The following VWA8 variants were observed in gnomAD, a reference collection of about 807,000 sequenced individuals.
The protein encoded by VWA8 is von Willebrand factor A domain containing 8.
In VWA8, 221 loss-of-function variants were observed where a neutral mutation model predicts 241.5. The ratio of observed to expected loss-of-function variants is 0.91; its 90% CI spans 0.82 to 1.02. The LOEUF (loss-of-function observed/expected upper bound fraction) is 1.02, where lower values mean the gene tolerates loss of function less well. VWA8 is among the 50% of genes least tolerant of loss of function. The probability of loss-of-function intolerance (pLI) is 0.00; values close to 1 mark genes in which losing one functional copy is unlikely to be tolerated. For missense variants in VWA8, 2,322 were observed against 2,328.7 expected, an observed-to-expected ratio of 1.00 and a Z score of 0.06; for synonymous variants, 852 against 827.1, an observed-to-expected ratio of 1.03 and a Z score of -0.52.
rs576239780 is a variant in VWA8, at chr13:41,747,085, T to G, written c.2426+14043A>C. Among the ~76,000 whole-genome samples, 4 of 152,320 alleles carry G rather than the reference T, an allele frequency of 2.6e-5. No individual in the cohort carries two copies. In the South Asian group the frequency reaches 8.3e-4, roughly 32 times the overall value. ...AGGATTGACTTGGCAATGCGGGCTC[T>G]TTTTTGGTTCCATATGAACTTTAAA... On this transcript the variant is annotated intron_variant, in intron 21 of 44. Transcript: ENST00000379310.
intron 9 of VWA8, among the ~76,000 whole-genome samples, chr13:41,868,995 G>T (rs142390809): frequency 2.1e-5 from 3 of 145,268 alleles, no homozygotes; most frequent in African/African-American, 7.7e-5. Flanking sequence ...AATTATTAAA[G>T]ATCATATTAA....
chr13:41,937,985 AC>A (rs1289671384), intron 2 of VWA8, among the ~76,000 whole-genome samples: 1 of 151,886 alleles, frequency 6.6e-6, no homozygotes, highest in Non-Finnish European at 1.5e-5. Flanking sequence ...ACACGGTGAA[AC>A]CCTGACTATA....
intron 9 of VWA8, among the ~76,000 whole-genome samples, chr13:41,881,703 G>A: frequency 6.8e-6 from 1 of 147,616 alleles, no homozygotes; most frequent in Non-Finnish European, 1.5e-5. Context: ...TCACCTCCCG[G>A]ACGGGGCGGC....
chr13:41,864,156 A>G (rs73185321), intron 12 of VWA8, among the ~76,000 whole-genome samples: 39,073 of 151,444 alleles, frequency 0.26, 5,556 homozygotes, highest in Non-Finnish European at 0.31. Flanking sequence ...AAAAAAAAAA[A>G]AAAGAAAGAA....
At chr13:41,599,309 C>T (rs989651457) in intron 40 of VWA8, among the ~76,000 whole-genome samples, 8 of 152,056 alleles carry the variant, frequency 5.3e-5, no homozygotes, top group Non-Finnish European at 8.8e-5. Flanking sequence ...TTATTGCATT[C>T]AATTCCCTTA....
At chr13:41,823,959 A>G (rs1347131201) in intron 14 of VWA8, among the ~76,000 whole-genome samples, 1 of 152,226 alleles carries the variant, frequency 6.6e-6, no homozygotes. Flanking sequence ...CTTTGTCATT[A>G]AAAGGCATCA....
At chr13:41,657,478 T>C (rs976126909) in intron 37 of VWA8, among the ~76,000 whole-genome samples, 1 of 151,544 alleles carries the variant, frequency 6.6e-6, no homozygotes, top group African/African-American at 2.4e-5. Flanking sequence ...AGAGAAAAGT[T>C]ATTCTTTTTT....
At chr13:41,580,126 A>T (rs1056208908) in intron 42 of VWA8, among the ~76,000 whole-genome samples, 1 of 152,084 alleles carries the variant, frequency 6.6e-6, no homozygotes, top group African/African-American at 2.4e-5. Flanking sequence ...AAGTGCTGGA[A>T]TTATAGGCAT....
chr13:41,830,719 A>G (rs1871413082), intron 13 of VWA8, 77 bp from the exon 14 acceptor site: 2 of 1,254,844 alleles, frequency 1.6e-6, no homozygotes, highest in East Asian at 4.8e-5. Context: ...AGAATCAGTC[A>G]GCCAACAGTC....
At position 41,611,718 on chromosome 13, in the gene VWA8, C is replaced by T. The variant is rs1174131708; in HGVS notation, c.4735G>A (p.Ala1579Thr). ...GGGCCTCCTTTGCCACCCAGGCCTG[C>T]CGTGTCTCTTCCCCCTGGAAGGAAA... is the stretch of plus-strand genomic sequence containing the variant. ...WAGGTGGRDT[A>T]GLGGKGGPYR... The change falls in exon 39 of 45, where the codon GCA becomes ACA. Residue 1579 changes from alanine (A) to threonine (T), a missense_variant. Coordinates refer to ENST00000379310, the MANE Select transcript of VWA8 (RefSeq NM_015058.2). 6.2e-7 allele frequency: 1 copy of T among 1,613,836 alleles called. No homozygotes were observed. Among genetic ancestry groups the T allele is most frequent in the Non-Finnish European group, 8.5e-7 (1 of 1,179,928 alleles).
intron 26 of VWA8, chr13:41,719,357 CTTTA>C (rs2045366953): frequency 7.5e-7 from 1 of 1,339,422 alleles, no homozygotes; most frequent in African/African-American, 1.5e-5. Flanking sequence ...AAATATTTCC[CTTTA>C]TTTATTACAT....
At chr13:41,735,301 A>G (rs1342908406) in intron 21 of VWA8, among the ~76,000 whole-genome samples, 1 of 152,216 alleles carries the variant, frequency 6.6e-6, no homozygotes, top group Non-Finnish European at 1.5e-5. Context: ...ATTGTGCTTC[A>G]TAGCAGATTA....
intron 2 of VWA8, among the ~76,000 whole-genome samples, chr13:41,940,696 G>A (rs1434087801): frequency 6.6e-6 from 1 of 152,202 alleles, no homozygotes; most frequent in African/African-American, 2.4e-5. Flanking sequence ...GATTTTAGTT[G>A]ATGTAGCTCA....
At chr13:41,586,390 A>G (rs934193641) in intron 42 of VWA8, among the ~76,000 whole-genome samples, 2 of 152,200 alleles carry the variant, frequency 1.3e-5, no homozygotes, top group African/African-American at 4.8e-5. Context: ...CAAGGGAAAC[A>G]AAGCTACTCC....
intron 14 of VWA8, among the ~76,000 whole-genome samples, chr13:41,825,597 T>C (rs1057180994): frequency 2.6e-5 from 4 of 152,144 alleles, no homozygotes; most frequent in Non-Finnish European, 5.9e-5. Flanking sequence ...CCAGAACTCT[T>C]CCTCTTAAAA....
intron 20 of VWA8, among the ~76,000 whole-genome samples, chr13:41,765,628 T>A (rs2045774140): frequency 6.6e-6 from 1 of 152,178 alleles, no homozygotes; most frequent in Non-Finnish European, 1.5e-5. Flanking sequence ...CATTATAAAG[T>A]TACACATGCT....
At chr13:41,957,963 T>C (rs1011588380) in intron 1 of VWA8, among the ~76,000 whole-genome samples, 3 of 152,236 alleles carry the variant, frequency 2.0e-5, no homozygotes, top group African/African-American at 7.2e-5. Context: ...AACAACTTGC[T>C]TGGCTCCATC....
intron 2 of VWA8, among the ~76,000 whole-genome samples, chr13:41,947,185 T>A (rs1877888159): frequency 6.6e-6 from 1 of 152,206 alleles, no homozygotes; most frequent in Admixed American, 6.5e-5. Context: ...ATAGTGACAG[T>A]CCTGAATAAA....
chr13:41,644,505 G>A (rs1475415909), intron 37 of VWA8, among the ~76,000 whole-genome samples: 2 of 152,348 alleles, frequency 1.3e-5, no homozygotes, highest in Non-Finnish European at 1.5e-5. Context: ...GCCTGTGTGT[G>A]TTTTCTCTAG....
Sources: gnomAD v4.1 joint callset for allele counts (sites outside exome capture counted in the v4.1 genomes callset) on GRCh38, gnomAD v4.1.1 for gene constraint, MANE v1.5 for transcripts, NCBI Gene and HGNC (gene_info 2026-07-23, HGNC 2026-07-21) for gene names.